The following ERC1 variants were observed in gnomAD, a reference collection of about 807,000 sequenced individuals.
The protein encoded by ERC1 is RAB6 interacting protein 2.
A neutral mutation model predicts 132.0 loss-of-function variants in ERC1; 56 were observed. The ratio of observed to expected loss-of-function variants is 0.42; its 90% CI spans 0.34 to 0.53. ERC1 has a LOEUF of 0.53. Among genes scored for constraint, ERC1 ranks in the 20% least tolerant of loss-of-function variants. The probability of loss-of-function intolerance (pLI) is 0.03; values close to 1 mark genes in which losing one functional copy is unlikely to be tolerated. For synonymous variants in ERC1, 478 were observed against 476.1 expected (o/e 1.00, Z -0.05); for missense variants, 1,202 against 1,349.9 (o/e 0.89, Z 1.72).
chr12:1,486,257 TATACACACAA>T (rs1226955586), intron 18 of ERC1, among the ~76,000 whole-genome samples: 1 of 152,226 alleles, frequency 6.6e-6, no homozygotes, highest in Non-Finnish European at 1.5e-5. Flanking sequence ...GGAAATGTGT[TATACACACAA>T]ATACACACAT....
intron 14 of ERC1, among the ~76,000 whole-genome samples, chr12:1,267,094 A>G (rs535949446): frequency 1.3e-5 from 2 of 152,336 alleles, no homozygotes; most frequent in South Asian, 4.1e-4. Context: ...TTCCTAATAC[A>G]TGCTGCCCCA....
intron 14 of ERC1, among the ~76,000 whole-genome samples, chr12:1,286,107 A>G (rs1055917796): frequency 2.0e-5 from 3 of 152,118 alleles, no homozygotes; most frequent in Non-Finnish European, 2.9e-5. Context: ...CAGCCTGGCC[A>G]ACGTGGCAAA....
rs148780805 is a variant in ERC1 at position 1,315,035 on chromosome 12, T to C, written c.2780+25023T>C. On this transcript the variant is annotated intron_variant, in intron 15 of 18. Coordinates refer to ENST00000360905, the MANE Select transcript of ERC1 (RefSeq NM_178040.4). ...TTGGATTTTAGTCAGTAAATTTTCT[T>C]TCTTTTTTATTTATTTGTTTATTTA... 6.1e-3 allele frequency among the ~76,000 whole-genome samples: 922 copies of C among 152,326 alleles called. 15 individuals are homozygous for C. The highest frequency in any genetic ancestry group is 0.021 in the African/African-American group (875 of 41,568).
At chr12:1,006,279 A>G (rs1015398182) in intron 1 of ERC1, among the ~76,000 whole-genome samples, 10 of 152,016 alleles carry the variant, frequency 6.6e-5, no homozygotes, top group African/African-American at 2.2e-4. Flanking sequence ...ATTTTTTGAG[A>G]CAGATTTTTC....
chr12:1,117,904 A>T (rs981384199), intron 7 of ERC1, among the ~76,000 whole-genome samples: 2 of 152,184 alleles, frequency 1.3e-5, no homozygotes, highest in Non-Finnish European at 2.9e-5. Flanking sequence ...TTACCTGCAA[A>T]GTTATTCATT....
At chr12:1,435,917 C>G (rs778227582) in intron 17 of ERC1, among the ~76,000 whole-genome samples, 5 of 152,154 alleles carry the variant, frequency 3.3e-5, no homozygotes, top group Non-Finnish European at 7.3e-5. Flanking sequence ...TTCCCTGCCA[C>G]CTGTACCCTC....
intron 16 of ERC1, among the ~76,000 whole-genome samples, chr12:1,400,908 A>ATTT (rs2090967822): frequency 2.8e-4 from 12 of 43,400 alleles, no homozygotes; most frequent in Non-Finnish European, 5.1e-4. Context: ...TGTTTTGGCT[A>ATTT]TTTTTGTATT....
chr12:1,190,620 A>G (rs1955622993), intron 12 of ERC1, among the ~76,000 whole-genome samples: 2 of 152,178 alleles, frequency 1.3e-5, no homozygotes, highest in Admixed American at 6.5e-5. Flanking sequence ...GAATTCTTCA[A>G]AATATTCTGT....
chr12:1,392,039 C>G (rs2090012831), intron 16 of ERC1, among the ~76,000 whole-genome samples: 1 of 152,130 alleles, frequency 6.6e-6, no homozygotes, highest in Non-Finnish European at 1.5e-5. Flanking sequence ...CCTGATACTT[C>G]TTAAAGACAG....
intron 13 of ERC1, among the ~76,000 whole-genome samples, chr12:1,261,903 A>G (rs928356705): frequency 1.1e-4 from 16 of 152,232 alleles, no homozygotes; most frequent in Non-Finnish European, 2.4e-4. Flanking sequence ...TCAACTGTTC[A>G]TTAAGAAGAA....
In ERC1 at chr12:1,440,449, G is replaced by A. The variant is rs560055498; in HGVS notation, c.3025-4113G>A. 2.4e-3 allele frequency among the ~76,000 whole-genome samples: 354 copies of A among 148,386 alleles called. 1 individual carries two copies. The Middle Eastern group carries it at 0.032, about 14-fold the overall frequency. Reference sequence around the variant, plus strand: ...TCTCGATCTCCTGACCTCGTGATCTGCCCTCCTTGGCCTCCCAAAGTGCTG... The same window carrying A: ...TCTCGATCTCCTGACCTCGTGATCTACCCTCCTTGGCCTCCCAAAGTGCTG... On this transcript the variant is annotated intron_variant, in intron 17 of 18. Transcript: ENST00000360905.
At chr12:1,074,127 G>A (rs1379448789) in intron 2 of ERC1, among the ~76,000 whole-genome samples, 3 of 152,074 alleles carry the variant, frequency 2.0e-5, no homozygotes, top group Non-Finnish European at 4.4e-5. Context: ...CTTCCAAAGT[G>A]CTGGGATTAC....
intron 2 of ERC1, among the ~76,000 whole-genome samples, chr12:1,064,550 T>C (rs1467260236): frequency 6.6e-6 from 1 of 152,244 alleles, no homozygotes; most frequent in East Asian, 1.9e-4. Flanking sequence ...AGATTGGCCA[T>C]CCCTGGCTAC....
At chr12:1,174,204 A>G (rs944553218) in intron 8 of ERC1, among the ~76,000 whole-genome samples, 3 of 152,222 alleles carry the variant, frequency 2.0e-5, no homozygotes, top group African/African-American at 7.2e-5. Context: ...GGGTTTGTTC[A>G]GTGCTTACAC....
intron 17 of ERC1, among the ~76,000 whole-genome samples, chr12:1,418,619 C>A (rs2092262561): frequency 7.9e-6 from 1 of 126,744 alleles, no homozygotes; most frequent in African/African-American, 3.9e-5. Flanking sequence ...TTCTTTCTTT[C>A]TTTCTTTCTT....
rs1300004386 is a variant in ERC1 at position 1,180,469 on chromosome 12, A to G, written c.1738-71A>G. ...CTGAGCTATCTGTTTTCAAATTGAA[A>G]TGATTTTGATTGTGCTATTGTTTTT... On this transcript the variant is annotated intron_variant, in intron 8 of 18. Coordinates refer to ENST00000360905, the MANE Select transcript of ERC1 (RefSeq NM_178040.4). 13 of 1,415,626 alleles carry G rather than the reference A, an allele frequency of 9.2e-6. No individual in the cohort carries two copies. In the Admixed American group the frequency reaches 1.5e-4, roughly 16 times the overall value. The allele number at this position is 1,415,626 out of a possible 1,614,324, so 87.7% of individuals were successfully genotyped here.
intron 17 of ERC1, among the ~76,000 whole-genome samples, chr12:1,412,859 C>T (rs1175165928): frequency 5.9e-5 from 9 of 152,176 alleles, no homozygotes; most frequent in Admixed American, 5.9e-4. Flanking sequence ...AACTTAGATC[C>T]GTCTCCAGGA....
intron 16 of ERC1, among the ~76,000 whole-genome samples, chr12:1,406,079 C>G (rs766145548): frequency 6.6e-6 from 1 of 152,082 alleles, no homozygotes; most frequent in Non-Finnish European, 1.5e-5. Flanking sequence ...GTCAGTTTTA[C>G]GCCAGACACC....
chr12:1,418,671 TTTC>T (rs1253273932), intron 17 of ERC1, among the ~76,000 whole-genome samples: 16 of 25,920 alleles, frequency 6.2e-4, no homozygotes, highest in East Asian at 1.7e-3. Flanking sequence ...CTTTCTTTTC[TTTC>T]TTTCTTTCTT....
Sources: gnomAD v4.1 joint callset for allele counts (sites outside exome capture counted in the v4.1 genomes callset) on GRCh38, gnomAD v4.1.1 for gene constraint, MANE v1.5 for transcripts, NCBI Gene and HGNC (gene_info 2026-07-23, HGNC 2026-07-21) for gene names.